ZNF311: variants seen among roughly 807,000 people sequenced by gnomAD.
ZNF311 encodes zinc finger protein 311.
Under a neutral mutation model 22.7 loss-of-function variants are expected in ZNF311, and 14 were observed. The observed-to-expected ratio is 0.62, with a 90% CI of 0.41 to 0.96. The LOEUF (loss-of-function observed/expected upper bound fraction) is 0.96, where lower values mean the gene tolerates loss of function less well. Among genes scored for constraint, ZNF311 ranks in the 40% least tolerant of loss-of-function variants. ZNF311 has a pLI of 0.00. For synonymous variants in ZNF311, 250 were observed against 275.3 expected (o/e 0.91, Z 0.91); for missense variants, 731 against 799.0 (o/e 0.91, Z 1.03).
At chr6:28,999,432 A>G (rs1780113583) in intron 5 of ZNF311, 55 bp downstream of exon 5, 1 of 1,482,942 alleles carries the variant, frequency 6.7e-7, no homozygotes. Flanking sequence ...TAAATAAATC[A>G]ATTAAATAAT....
intron 3 of ZNF311, among the ~76,000 whole-genome samples, chr6:29,002,917 G>A (rs764296041): frequency 2.0e-5 from 3 of 152,006 alleles, no homozygotes; most frequent in Non-Finnish European, 4.4e-5. Context: ...CACCGCACCC[G>A]GCCTACCATC....
chr6:28,996,175 A>C lies in ZNF311; in HGVS notation c.827T>G (p.Val276Gly). 6.2e-7 allele frequency: 1 copy of C among 1,613,554 alleles called. No individual in the cohort carries two copies. The highest frequency in any genetic ancestry group is 8.5e-7 in the Non-Finnish European group (1 of 1,180,046). The stretch of plus-strand genomic sequence containing the variant: ...GAATGCTTTCCCACACTCATTACAC[A>C]CATGGGGTTTCTCACCAGAATGAAT... Reference protein sequence around the residue: ...EQIHSGEKPHVCNECGKAFKT... With the variant: ...EQIHSGEKPHGCNECGKAFKT... The change falls in exon 7 of 7, where the codon GTG (valine) becomes GGG (glycine). Residue 276 changes from valine (V) to glycine (G), a missense_variant. Transcript: ENST00000377179.
chr6:28,998,908 C>A, intron 5 of ZNF311, 70 bp from the exon 6 acceptor site: 1 of 1,050,114 alleles, frequency 9.5e-7, no homozygotes, highest in East Asian at 2.5e-5. Flanking sequence ...AGCTAAGCAG[C>A]CCTGATCCTT....
intron 3 of ZNF311, 122 bp from the exon 4 acceptor site, chr6:29,000,169 T>TGTAAGGCAGTA: frequency 1.2e-6 from 1 of 839,222 alleles, no homozygotes; most frequent in Non-Finnish European, 1.9e-6. Flanking sequence ...TTTAGGCTAC[T>TGTAAGGCAGTA]GCCTTACAGT....
intron 3 of ZNF311, 99 bp from the exon 4 acceptor site, chr6:29,000,146 TCTAACCTAGGGC>T (rs1324425843): frequency 7.1e-6 from 8 of 1,133,418 alleles, no homozygotes; most frequent in Non-Finnish European, 1.3e-6. Flanking sequence ...CTTCTGCAGC[TCTAACCTAGGGC>T]TTTAGGCTAC....
chr6:28,995,943 G>A lies in ZNF311; in HGVS notation c.1059C>T (p.His353=). Residue 353 remains histidine, a synonymous_variant, in exon 7 of 7, where the codon CAC becomes CAT. Transcript: ENST00000377179. This position sits in a 1 kb window ranked among gnomAD's most constrained non-coding sequence, Gnocchi z 4.7. ...RNRLCMHQLI[H]TGEKPYKCNC... is the part of the protein sequence containing the mutation. ...TACATTTGTAAGGCTTCTCCCCGGT[G>A]TGGATAAGCTGATGCATACAGAGAC... The A allele has an allele frequency of 6.2e-7, 1 of 1,613,874 alleles. No individual in the cohort carries two copies. Among genetic ancestry groups the A allele is most frequent in the Non-Finnish European group, 8.5e-7 (1 of 1,180,032 alleles).
intron 6 of ZNF311, among the ~76,000 whole-genome samples, chr6:28,997,492 C>G (rs1779777268): frequency 6.6e-6 from 1 of 152,172 alleles, no homozygotes; most frequent in Non-Finnish European, 1.5e-5. Flanking sequence ...TATCTCTGAA[C>G]TCTATCTCTT....
rs200889752 is a variant in ZNF311 at position 29,003,258 on chromosome 6, ATTCT to A, written c.91+251_91+254del. Among the ~76,000 whole-genome samples the A allele has an allele frequency of 8.4e-3, 1,279 of 152,310 alleles. 12 individuals are homozygous for A. Among genetic ancestry groups the A allele is most frequent in the Middle Eastern group, 0.017 (5 of 294 alleles). On this transcript the variant is annotated intron_variant, in intron 3 of 6. Transcript: ENST00000377179. ...AAACAGTAAATGCCTGACTGCATTGATTCTTTCTGATAAATTGCTTTGTAGAATC... is the reference window on the plus strand; with the variant it reads ...AAACAGTAAATGCCTGACTGCATTGATTCTGATAAATTGCTTTGTAGAATC...
upstream of ZNF311, among the ~76,000 whole-genome samples, chr6:29,005,513 G>A (rs1781078405): frequency 6.6e-6 from 1 of 151,972 alleles, no homozygotes. Flanking sequence ...CGGCGGCACC[G>A]GACTCCTCTC....
In ZNF311 at chr6:28,994,823, G is replaced by A. The variant is rs1779234975; in HGVS notation, c.*178C>T. The A allele has an allele frequency of 6.0e-6, 4 of 668,052 alleles. No homozygotes were observed. Among genetic ancestry groups the A allele is most frequent in the Non-Finnish European group, 9.7e-6 (4 of 412,078 alleles). The allele number at this position is 668,052 out of a possible 1,614,324, so 41.4% of individuals were successfully genotyped here. A position where few individuals can be genotyped will look rare whatever the true frequency, so the allele number is the denominator to read the frequency against. ...TGTTTATTAATATTAGGAAGTGATT[G>A]ATAAACTCTTGGAAGTAAATGTGCT... On this transcript the variant is annotated 3_prime_UTR_variant, in exon 7 of 7. Transcript: ENST00000377179.
Position 28,997,529 on chromosome 6 carries a change from T to TCTCA in ZNF311, c.416-947_416-944dup, listed in dbSNP as rs143685541. Among the ~76,000 whole-genome samples the TCTCA allele has an allele frequency of 6.1e-3, 924 of 152,344 alleles. 7 individuals carry two copies. The highest frequency in any genetic ancestry group is 0.01 in the Non-Finnish European group (696 of 68,030). ...CTCTTTATTTCCACTGCCAGTGCAT[T>TCTCA]CTCACTAATTGCTATATCCCTCAAA... On this transcript the variant is annotated intron_variant, in intron 6 of 6. Coordinates refer to ENST00000377179, the MANE Select transcript of ZNF311 (RefSeq NM_001382360.1).
At chr6:29,000,472 C>T (rs774186948) in intron 3 of ZNF311, among the ~76,000 whole-genome samples, 1 of 151,970 alleles carries the variant, frequency 6.6e-6, no homozygotes, top group East Asian at 1.9e-4. Flanking sequence ...TGTGCATGCA[C>T]GCGTATGTGT....
At chr6:29,003,745 C>T in intron 2 of ZNF311, 151 bp from the exon 3 acceptor site, 5 of 1,404,216 alleles carry the variant, frequency 3.6e-6, no homozygotes, top group Non-Finnish European at 4.9e-6. Flanking sequence ...TTCCTAATAC[C>T]TTATGAAAAC....
At position 28,998,743 on chromosome 6, in the gene ZNF311, A is replaced by G; in HGVS notation, c.406T>C (p.Ser136Pro). 1 of 1,611,118 alleles carries G rather than the reference A, an allele frequency of 6.2e-7. No homozygotes were observed. The highest frequency in any genetic ancestry group is 1.1e-5 in the South Asian group (1 of 90,886). Residue 136 changes from serine (S) to proline (P), a missense_variant, in exon 6 of 7, where the codon TCC becomes CCC. Transcript: ENST00000377179. ...DPQDRESLSC[S>P]YPVSADKMWP... Reference sequence around the variant, plus strand: ...TTTCTCTATTACTCACCTGGGTAGGAGCAGCTTAGGGACTCCCTGTCCTGT... The same window carrying G: ...TTTCTCTATTACTCACCTGGGTAGGGGCAGCTTAGGGACTCCCTGTCCTGT...
intron 4 of ZNF311, 28 bp from the exon 5 acceptor site, chr6:28,999,641 G>A: frequency 1.2e-6 from 2 of 1,600,566 alleles, no homozygotes; most frequent in South Asian, 1.1e-5. Context: ...TGCTATCCTG[G>A]AGAAAACGCC....
At chr6:29,005,319 A>G (rs1781047788), upstream of ZNF311, 1 of 150,692 alleles carries the variant, frequency 6.6e-6, no homozygotes. Context: ...CCGGTCTCAA[A>G]AAAAAAAAAA....
At chr6:28,998,901 T>G in intron 5 of ZNF311, 63 bp from the exon 6 acceptor site, 1 of 1,137,026 alleles carries the variant, frequency 8.8e-7, no homozygotes, top group Non-Finnish European at 1.3e-6. Context: ...ATAACTTAGC[T>G]AAGCAGCCCT....
chr6:29,004,178 G>A lies in ZNF311; in HGVS notation c.-224C>T, dbSNP rs1780851786. 1.4e-6 allele frequency: 2 copies of A among 1,442,876 alleles called. No homozygotes were observed. Among genetic ancestry groups the A allele is most frequent in the South Asian group, 1.5e-5 (1 of 67,508 alleles). 89.4% of individuals were successfully genotyped at this position (1,442,876 alleles called of 1,614,324 possible). On this transcript the variant is annotated 5_prime_UTR_variant, in exon 2 of 7. Transcript: ENST00000377179. ...ACTGCCCTGGATTTGGGGTTCATTA[G>A]CAACACTAAACCGCTGTGATCTCAC...
intron 5 of ZNF311, among the ~76,000 whole-genome samples, chr6:28,999,262 T>C (rs1461339310): frequency 6.6e-6 from 1 of 151,868 alleles, no homozygotes; most frequent in Non-Finnish European, 1.5e-5. Context: ...AGAAGGTAAA[T>C]GTCTCCTTTT....
Sources: allele counts gnomAD v4.1 joint callset (sites outside exome capture counted in the v4.1 genomes callset), GRCh38; gene constraint gnomAD v4.1.1; non-coding constraint Gnocchi (gnomAD v3.1); transcripts MANE v1.5; gene names NCBI Gene and HGNC (gene_info 2026-07-23, HGNC 2026-07-21).